Variants in MPDZ observed in about 807,000 individuals in gnomAD.
MPDZ encodes the protein multiple PDZ domain protein.
In MPDZ, 234 loss-of-function variants were observed where a neutral mutation model predicts 239.1. The observed-to-expected ratio is 0.98, with a 90% CI of 0.88 to 1.09. The LOEUF (loss-of-function observed/expected upper bound fraction) is 1.09, where lower values mean the gene tolerates loss of function less well. MPDZ is among the 50% of genes least tolerant of loss of function. The pLI is 0.00. For synonymous variants in MPDZ, 1,048 were observed against 881.3 expected, an observed-to-expected ratio of 1.19 and a Z score of -3.35; for missense variants, 3,175 against 2,510.0, an observed-to-expected ratio of 1.26 and a Z score of -5.66.
At chr9:13,269,643 T>C (rs1415082546) in intron 1 of MPDZ, among the ~76,000 whole-genome samples, 1 of 152,164 alleles carries the variant, frequency 6.6e-6, no homozygotes, top group Non-Finnish European at 1.5e-5. Context: ...ATAAAATCTG[T>C]TCACAATAAA....
intron 3 of MPDZ, among the ~76,000 whole-genome samples, chr9:13,228,952 C>G (rs1961526429): frequency 6.6e-6 from 1 of 152,118 alleles, no homozygotes; most frequent in African/African-American, 2.4e-5. Context: ...ACTAGAGCAT[C>G]TCTGAATAGA....
intron 25 of MPDZ, among the ~76,000 whole-genome samples, chr9:13,148,541 T>TC (rs1948729436): frequency 6.6e-6 from 1 of 152,014 alleles, no homozygotes; most frequent in Non-Finnish European, 1.5e-5. Flanking sequence ...GATAAAAACC[T>TC]CCCTCAGGTT....
chr9:13,170,426 G>C (rs1402454887), intron 21 of MPDZ, among the ~76,000 whole-genome samples: 1 of 152,086 alleles, frequency 6.6e-6, no homozygotes, highest in East Asian at 1.9e-4. Flanking sequence ...ATTTTGAAGT[G>C]TATTGTTAAG....
At chr9:13,257,140 TAA>T (rs1969633948) in intron 1 of MPDZ, among the ~76,000 whole-genome samples, 1 of 152,202 alleles carries the variant, frequency 6.6e-6, no homozygotes, top group Non-Finnish European at 1.5e-5. Flanking sequence ...TAACTGAACC[TAA>T]AATCTGTTCC....
At chr9:13,107,211 TAC>T in intron 46 of MPDZ, 100 bp from the exon 47 acceptor site, 23 of 1,263,062 alleles carry the variant, frequency 1.8e-5, no homozygotes, top group East Asian at 2.4e-5. Flanking sequence ...GCTCTGCTTG[TAC>T]ACACACACTG....
At chr9:13,198,353 G>C (rs1350075222) in intron 12 of MPDZ, among the ~76,000 whole-genome samples, 1 of 151,982 alleles carries the variant, frequency 6.6e-6, no homozygotes, top group African/African-American at 2.4e-5. Context: ...GATCAGTGAC[G>C]AACATTTTTT....
chr9:13,161,712 AGT>A lies in MPDZ; in HGVS notation c.3359+977_3359+978del, dbSNP rs1213216691. Among the ~76,000 whole-genome samples, 4 of 152,262 alleles carry A rather than the reference AGT, an allele frequency of 2.6e-5. No individual in the cohort carries two copies. In the East Asian group the frequency reaches 5.8e-4, roughly 22 times the overall value. ...TGAAAAACACAGGCCCACAACTGAG[AGT>A]GTAAAATGGTACATTCTTCATGGAA... On this transcript the variant is annotated intron_variant, in intron 23 of 46. Coordinates refer to ENST00000319217, the MANE Select transcript of MPDZ (RefSeq NM_001378778.1).
chr9:13,122,047 T>C (rs1381569874), intron 37 of MPDZ, 40 bp downstream of exon 37: 3 of 1,610,070 alleles, frequency 1.9e-6, no homozygotes, highest in Admixed American at 1.7e-5. Flanking sequence ...AGGAGCCTTT[T>C]CTCTGTTAAT....
At position 13,205,033 on chromosome 9, in the gene MPDZ, T is replaced by C. The variant is rs1956835832; in HGVS notation, c.1546+3A>G. ...ACACAATAAGCTGGCGCTAGGTGTTTACCTTCTTCTTCAGTTGGTAATATG... is the reference window on the plus strand; with the variant it reads ...ACACAATAAGCTGGCGCTAGGTGTTCACCTTCTTCTTCAGTTGGTAATATG... On this transcript the variant is annotated splice_donor_region_variant and intron_variant, in intron 12 of 46. Transcript: ENST00000319217. The C allele has an allele frequency of 1.4e-6, 2 of 1,449,954 alleles. No individual in the cohort carries two copies. The highest frequency in any genetic ancestry group is 9.1e-7 in the Non-Finnish European group (1 of 1,102,394). The allele number at this position is 1,449,954 out of a possible 1,614,324, so 89.8% of individuals were successfully genotyped here.
At chr9:13,264,491 A>G (rs1299967495) in intron 1 of MPDZ, among the ~76,000 whole-genome samples, 3 of 152,194 alleles carry the variant, frequency 2.0e-5, no homozygotes, top group Non-Finnish European at 2.9e-5. Context: ...GTTTGATTAC[A>G]TAACAAATCA....
Position 13,256,244 on chromosome 9 carries a change from G to T in MPDZ, c.-57-5872C>A, listed in dbSNP as rs151272553. Among the ~76,000 whole-genome samples, 214 of 152,296 alleles carry T rather than the reference G, an allele frequency of 1.4e-3. 1 individual carries two copies. The highest frequency in any genetic ancestry group is 2.5e-3 in the Admixed American group (38 of 15,298). On this transcript the variant is annotated intron_variant, in intron 1 of 46. Transcript: ENST00000319217. Reference sequence around the variant, plus strand: ...GTTTTGCTCTGTATTAGGCTTTGGCGTAAGGGAATGTTGTGGCTGATTTGA... The same window carrying T: ...GTTTTGCTCTGTATTAGGCTTTGGCTTAAGGGAATGTTGTGGCTGATTTGA...
intron 17 of MPDZ, among the ~76,000 whole-genome samples, chr9:13,188,129 T>C (rs1198946925): frequency 6.6e-6 from 1 of 152,160 alleles, no homozygotes; most frequent in Non-Finnish European, 1.5e-5. Context: ...ATGCTATTAA[T>C]TTTTTTAACA....
chr9:13,241,599 T>C (rs1241906945), intron 3 of MPDZ, among the ~76,000 whole-genome samples: 2 of 152,300 alleles, frequency 1.3e-5, no homozygotes, highest in East Asian at 3.9e-4. Flanking sequence ...GTTATTTATA[T>C]AAGAAGAGAG....
At chr9:13,196,699 TAAAG>T (rs1362911520) in intron 12 of MPDZ, among the ~76,000 whole-genome samples, 1 of 151,938 alleles carries the variant, frequency 6.6e-6, no homozygotes, top group Non-Finnish European at 1.5e-5. Flanking sequence ...TGAGAAAATA[TAAAG>T]AAATAATAAT....
Position 13,106,961 on chromosome 9 carries a change from C to G in MPDZ, c.*4G>C, listed in dbSNP as rs754296571. 1.2e-6 allele frequency: 2 copies of G among 1,613,074 alleles called. No homozygotes were observed. On this transcript the variant is annotated 3_prime_UTR_variant, in exon 47 of 47. Transcript: ENST00000319217. ...GTTGGGTTGGTTCAATTCTGGCAGC[C>G]AATTCAAGAGAGAACCATCAAAGTG...
At position 13,217,224 on chromosome 9, in the gene MPDZ, C is replaced by T. The variant is rs769899829; in HGVS notation, c.1157G>A (p.Gly386Glu). The change falls in exon 9 of 47, where the codon GGA (glycine) becomes GAA (glutamate). Residue 386 changes from glycine to glutamate, a missense_variant. Physicochemically the swap from Gly to Glu is moderately conservative, Grantham distance 98. Coordinates refer to ENST00000319217, the MANE Select transcript of MPDZ (RefSeq NM_001378778.1). ...FDVELTKNVQ[G>E]LGITIAGYIG... ...GTAGCCAGCAATGGTAATTCCTAAT[C>T]CTTGGACATTTTTAGTGAGTTCTAC... 2 of 1,603,610 alleles carry T rather than the reference C, an allele frequency of 1.2e-6. No individual in the cohort carries two copies. Among genetic ancestry groups the T allele is most frequent in the African/African-American group, 2.7e-5 (2 of 74,568 alleles).
intron 40 of MPDZ, among the ~76,000 whole-genome samples, chr9:13,114,353 T>C (rs112189706): frequency 1.3e-5 from 2 of 152,122 alleles, no homozygotes; most frequent in Non-Finnish European, 2.9e-5. Flanking sequence ...ACAAAAACTG[T>C]AGAATTAGGG....
At chr9:13,270,317 G>C (rs569836202) in intron 1 of MPDZ, among the ~76,000 whole-genome samples, 10 of 152,064 alleles carry the variant, frequency 6.6e-5, no homozygotes, top group Non-Finnish European at 1.3e-4. Context: ...CATTACAAAT[G>C]ACCCAAAAAA....
In MPDZ at chr9:13,175,882, G is replaced by C. The variant is rs1392124555; in HGVS notation, c.2932-7C>G. 1.9e-6 allele frequency: 3 copies of C among 1,579,466 alleles called. No homozygotes were observed. The highest frequency in any genetic ancestry group is 1.2e-5 in the South Asian group (1 of 84,066). On this transcript the variant is annotated splice_region_variant and splice_polypyrimidine_tract_variant and intron_variant, in intron 20 of 46. Transcript: ENST00000319217. ...CAAGCAGGTACTCAGAGCCCTTTAA[G>C]AAAGAAAAAGAAGTCACAAGTCACA...
Sources: gnomAD v4.1 joint callset for allele counts (sites outside exome capture counted in the v4.1 genomes callset) on GRCh38, gnomAD v4.1.1 for gene constraint, MANE v1.5 for transcripts, NCBI Gene and HGNC (gene_info 2026-07-23, HGNC 2026-07-21) for gene names.